The following NELFB variants were observed in gnomAD, a reference collection of about 807,000 sequenced individuals.
The protein encoded by NELFB is negative elongation factor complex member B.
A neutral mutation model predicts 60.2 loss-of-function variants in NELFB; 34 were observed. That is an observed-to-expected ratio of 0.56 (90% CI 0.43 to 0.75). NELFB has a LOEUF of 0.75. Ranked by LOEUF, NELFB falls within the 30% of genes least tolerant of loss-of-function variation. The probability of loss-of-function intolerance (pLI) is 0.00; values close to 1 mark genes in which losing one functional copy is unlikely to be tolerated. For missense variants in NELFB, 770 were observed against 831.6 expected (o/e 0.93, Z 0.91); for synonymous variants, 459 against 382.1 (o/e 1.20, Z -2.35).
chr9:137,266,046 CAG>C (rs1291896274), intron 7 of NELFB, 67 bp downstream of exon 7: 4 of 1,288,626 alleles, frequency 3.1e-6, no homozygotes, highest in East Asian at 2.4e-5. Context: ...TCTGGGTGGT[CAG>C]GGTGTGGACA....
chr9:137,256,688 G>C (rs1837557420), intron 3 of NELFB, 136 bp from the exon 4 acceptor site: 1 of 821,832 alleles, frequency 1.2e-6, no homozygotes, highest in South Asian at 1.8e-5. Context: ...GCTGGGGCCG[G>C]GGAACCAGTC....
intron 2 of NELFB, 86 bp from the exon 3 acceptor site, chr9:137,256,243 T>G: frequency 7.0e-7 from 1 of 1,423,360 alleles, no homozygotes; most frequent in Non-Finnish European, 9.9e-7. Context: ...AGGCTTGTCC[T>G]GGTAGCTGTT....
rs1201163898 is a variant in NELFB at position 137,256,915 on chromosome 9, A to G, written c.602A>G (p.Asn201Ser). The G allele has an allele frequency of 1.2e-6, 2 of 1,614,092 alleles. No individual in the cohort carries two copies. Among genetic ancestry groups the G allele is most frequent in the South Asian group, 2.2e-5 (2 of 91,088 alleles). Reference sequence around the variant, plus strand: ...GTGAAGCGGCAGATCTGGCAAGACAACCAGGCCCTCTTCGGGGACGAGGTT... The same window carrying G: ...GTGAAGCGGCAGATCTGGCAAGACAGCCAGGCCCTCTTCGGGGACGAGGTT... Residue 201 changes from asparagine to serine, a missense_variant, in exon 4 of 13, where the codon AAC (asparagine) becomes AGC (serine). Physicochemically the swap from Asn to Ser is conservative, Grantham distance 46 (BLOSUM62 1). Transcript: ENST00000343053.
rs143831528 is a variant in NELFB at position 137,269,803 on chromosome 9, G to A, written c.1490-2278G>A. ...TTCTGTTTCTTTCTCTCATTTGATT[G>A]TGGCTAGAAACAGGCTGGGAACCAG... On this transcript the variant is annotated intron_variant, in intron 10 of 12. Transcript: ENST00000343053. The surrounding 1 kb of genome is among the most constrained non-coding windows in gnomAD (Gnocchi z 5.3). Among the ~76,000 whole-genome samples the A allele has an allele frequency of 4.2e-4, 64 of 152,316 alleles. 3 individuals are homozygous for A. In the East Asian group the frequency reaches 0.012, roughly 29 times the overall value.
chr9:137,270,752 C>T (rs1382034823), intron 10 of NELFB, among the ~76,000 whole-genome samples: 1 of 152,206 alleles, frequency 6.6e-6, no homozygotes, highest in Non-Finnish European at 1.5e-5. Flanking sequence ...GAAACCCCAT[C>T]TCTACTAAAA....
At chr9:137,255,829 G>T (rs544817077) in intron 1 of NELFB, 78 bp from the exon 2 acceptor site, 10 of 1,569,480 alleles carry the variant, frequency 6.4e-6, no homozygotes, top group South Asian at 5.9e-5. Flanking sequence ...ACCTGGGTGC[G>T]TGCCTCCCTG....
chr9:137,256,134 C>A, intron 2 of NELFB, 64 bp downstream of exon 2: 4 of 1,547,118 alleles, frequency 2.6e-6, no homozygotes, highest in Non-Finnish European at 3.6e-6. Flanking sequence ...TGGATCGACT[C>A]AGGGGCATTT....
rs750484303 is a variant in NELFB, at chr9:137,267,088, T to C, written c.1382+2T>C. 6.2e-7 allele frequency: 1 copy of C among 1,613,886 alleles called. No homozygotes were observed. Among genetic ancestry groups the C allele is most frequent in the Admixed American group, 1.7e-5 (1 of 60,030 alleles). Reference sequence around the variant, plus strand: ...CACACTTCCCGAAAGCTTCACTAAGTACGGGCTGTAGGGCCATGGTGCAGG... The same window carrying C: ...CACACTTCCCGAAAGCTTCACTAAGCACGGGCTGTAGGGCCATGGTGCAGG... On this transcript the variant is annotated splice_donor_variant, in intron 9 of 12. Transcript: ENST00000343053. LOFTEE classifies it high-confidence loss of function.
intron 10 of NELFB, 56 bp from the exon 11 acceptor site, chr9:137,272,025 G>A (rs1830589681): frequency 3.7e-6 from 6 of 1,606,840 alleles, no homozygotes; most frequent in Admixed American, 3.4e-5. Flanking sequence ...GGACAAGGGT[G>A]CCCTCTGGGG....
chr9:137,259,473 T>C (rs1588184888), intron 4 of NELFB, among the ~76,000 whole-genome samples: 1 of 152,082 alleles, frequency 6.6e-6, no homozygotes. Flanking sequence ...TCCATTGCTG[T>C]CAGACAGAGC....
In NELFB at chr9:137,255,461, A is replaced by C; in HGVS notation, c.96A>C (p.Glu32Asp). ...GGGTGTCTGCGGCGGCGCCGGGGGA[A>C]CGGGCTGGGGATGGGGCGCCTAGCC... The change falls in exon 1 of 13, where the codon GAA becomes GAC. Residue 32 changes from glutamate to aspartate, a missense_variant. Coordinates refer to ENST00000343053, the MANE Select transcript of NELFB (RefSeq NM_015456.5). 2 of 1,453,986 alleles carry C rather than the reference A, an allele frequency of 1.4e-6. No individual in the cohort carries two copies. The highest frequency in any genetic ancestry group is 1.8e-6 in the Non-Finnish European group (2 of 1,095,520). 90.1% of individuals were successfully genotyped at this position (1,453,986 alleles called of 1,614,324 possible). A position where few individuals can be genotyped will look rare whatever the true frequency, so the allele number is the denominator to read the frequency against.
rs1447231701 is a variant in NELFB, at chr9:137,262,971, C to T, written c.742-66C>T. ...GAGAGAGGGCCGCGCTGTCGCCGGG[C>T]GTGACGTCCCTGTGTCTGGCGGAGC... On this transcript the variant is annotated intron_variant, in intron 4 of 12. Transcript: ENST00000343053. 5.1e-5 allele frequency: 79 copies of T among 1,556,954 alleles called. 2 individuals carry two copies. The South Asian group carries it at 6.2e-4, about 12-fold the overall frequency.
chr9:137,267,252 G>A lies in NELFB; in HGVS notation c.1395G>A (p.Glu465=). The A allele has an allele frequency of 6.2e-7, 1 of 1,612,578 alleles. No individual in the cohort carries two copies. The highest frequency in any genetic ancestry group is 8.5e-7 in the Non-Finnish European group (1 of 1,179,092). ...GCCCCGGGCGCAGGTTTCTGCAGGA[G>A]CAGCGCATGGCCTGCGAGGTGGGGC... The change falls in exon 10 of 13, where the codon GAG becomes GAA. Residue 465 remains glutamate, a synonymous_variant. Transcript: ENST00000343053.
chr9:137,258,693 A>G (rs9775202), intron 4 of NELFB, among the ~76,000 whole-genome samples: 104,245 of 151,662 alleles, frequency 0.69, 36,459 homozygotes, highest in Admixed American at 0.77. Flanking sequence ...GACCTCAGGT[A>G]ATCCGCCCAC....
Position 137,266,939 on chromosome 9 carries a change from C to A in NELFB, c.1240-5C>A, listed in dbSNP as rs529934201. ...GCGCCCGCTCATGGCCTCCCCTCCT[C>A]GTAGGAGGTAGAGCTCATCACCAGG... On this transcript the variant is annotated splice_region_variant and splice_polypyrimidine_tract_variant and intron_variant, in intron 8 of 12. Transcript: ENST00000343053. The A allele has an allele frequency of 6.2e-7, 1 of 1,612,846 alleles. No homozygotes were observed. The highest frequency in any genetic ancestry group is 8.5e-7 in the Non-Finnish European group (1 of 1,179,820).
At position 137,263,051 on chromosome 9, in the gene NELFB, G is replaced by C. The variant is rs1197698421; in HGVS notation, c.756G>C (p.Leu252=). 3.1e-6 allele frequency: 5 copies of C among 1,612,828 alleles called. No homozygotes were observed. The East Asian group carries it at 6.7e-5, about 22-fold the overall frequency. The stretch of plus-strand genomic sequence containing the variant: ...TCTTGCTGCAGGTGGTGCAGCGGCT[G>C]ACGCGGATGGTGGGGAAGAACGTGA... The change falls in exon 5 of 13, where the codon CTG becomes CTC. Residue 252 remains leucine (L), a synonymous_variant. Coordinates refer to ENST00000343053, the MANE Select transcript of NELFB (RefSeq NM_015456.5).
At chr9:137,268,126 T>G (rs1480982942) in intron 10 of NELFB, among the ~76,000 whole-genome samples, 3 of 152,034 alleles carry the variant, frequency 2.0e-5, no homozygotes, top group Non-Finnish European at 4.4e-5. Context: ...TGGGGCCTCT[T>G]TAGCCTGCTG....
chr9:137,263,295 ACTCCCCGGCCCTCCCTCCTTCCCCC>A (rs1830477013), intron 5 of NELFB, 73 bp downstream of exon 5: 1 of 1,035,856 alleles, frequency 9.7e-7, no homozygotes. Context: ...CTTCCCTCCC[ACTCCCCGGCCCTCCCTCCTTCCCCC>A]ACTGCCCTCC....
chr9:137,255,734 G>C, intron 1 of NELFB, 123 bp downstream of exon 1: 2 of 1,425,286 alleles, frequency 1.4e-6, no homozygotes, highest in Non-Finnish European at 1.9e-6. Flanking sequence ...TCCTGTTCTG[G>C]GGGTGGAGTC....
Sources: gnomAD v4.1 joint callset for allele counts (sites outside exome capture counted in the v4.1 genomes callset) on GRCh38, gnomAD v4.1.1 for gene constraint, Gnocchi (gnomAD v3.1) non-coding constraint, MANE v1.5 for transcripts, NCBI Gene and HGNC (gene_info 2026-07-23, HGNC 2026-07-21) for gene names.